The following CRISPLD1 variants were observed in gnomAD, a reference collection of about 807,000 sequenced individuals.
CRISPLD1 encodes cysteine-rich secretory protein LCCL domain-containing 1.
A neutral mutation model predicts 77.5 loss-of-function variants in CRISPLD1; 60 were observed. The observed-to-expected ratio is 0.77, with a 90% confidence interval of 0.63 to 0.96. The LOEUF (loss-of-function observed/expected upper bound fraction) is 0.96, where lower values mean the gene tolerates loss of function less well. Among genes scored for constraint, CRISPLD1 ranks in the 40% least tolerant of loss-of-function variants. The pLI, the probability that CRISPLD1 is intolerant of heterozygous loss-of-function variation, is 0.00. For missense variants in CRISPLD1, 623 were observed against 615.8 expected (o/e 1.01, Z -0.12); for synonymous variants, 195 against 200.1 (o/e 0.97, Z 0.22).
chr8:74,986,231 A>G lies in CRISPLD1; in HGVS notation c.244A>G (p.Asn82Asp), dbSNP rs944868313. 4 of 1,613,964 alleles carry G rather than the reference A, an allele frequency of 2.5e-6. No individual in the cohort carries two copies. The African/African-American group carries it at 5.3e-5, about 22-fold the overall frequency. Residue 82 changes from asparagine to aspartate, a missense_variant, in exon 2 of 15, where the codon AAT becomes GAT. Asn to Asp is a conservative substitution (Grantham distance 23). Transcript: ENST00000262207. ...AAGTCAGGTGTATCCAACAGCCTCT[A>G]ATATGGAGTATATGGTAAGGACATT... Reference protein sequence around the residue: ...LRSQVYPTASNMEYMTWDVEL... With the variant: ...LRSQVYPTASDMEYMTWDVEL...
intron 1 of CRISPLD1, among the ~76,000 whole-genome samples, chr8:74,985,416 A>G (rs1457564056): frequency 6.6e-6 from 1 of 152,158 alleles, no homozygotes; most frequent in Non-Finnish European, 1.5e-5. Flanking sequence ...TTTCTTTGAA[A>G]CATTCACTCT....
At chr8:75,026,778 T>TAA (rs1298153819) in intron 13 of CRISPLD1, 1 of 152,200 alleles carries the variant, frequency 6.6e-6, no homozygotes, top group Non-Finnish European at 1.5e-5. Context: ...TGAGCTTACT[T>TAA]ACCAAGATTT....
At chr8:75,013,490 A>G (rs1371554168) in intron 4 of CRISPLD1, among the ~76,000 whole-genome samples, 1 of 152,132 alleles carries the variant, frequency 6.6e-6, no homozygotes, top group African/African-American at 2.4e-5. Flanking sequence ...ACTTATTATC[A>G]GTGAATATAA....
At chr8:75,020,547 T>G (rs1344462893) in intron 12 of CRISPLD1, among the ~76,000 whole-genome samples, 1 of 152,186 alleles carries the variant, frequency 6.6e-6, no homozygotes, top group Non-Finnish European at 1.5e-5. Flanking sequence ...CTCTCTTACA[T>G]CCCTTCTTGT....
chr8:75,000,209 C>T (rs1386213588), intron 2 of CRISPLD1: 1 of 985,008 alleles, frequency 1.0e-6, no homozygotes, highest in African/African-American at 1.8e-5. Flanking sequence ...GAAACTATAT[C>T]TTATGCTTGG....
chr8:74,999,674 G>A (rs1054375299), intron 2 of CRISPLD1, among the ~76,000 whole-genome samples: 1 of 151,854 alleles, frequency 6.6e-6, no homozygotes, highest in African/African-American at 2.4e-5. Context: ...TAAAATACAG[G>A]TTCTTTATTT....
At position 75,004,949 on chromosome 8, in the gene CRISPLD1, A is replaced by G. The variant is rs1166567528; in HGVS notation, c.259-7484A>G. 2.6e-5 allele frequency among the ~76,000 whole-genome samples: 4 copies of G among 152,252 alleles called. No individual in the cohort carries two copies. The East Asian group carries it at 7.7e-4, about 29-fold the overall frequency. ...AACTTTTTATTAAGATTATCTTCTTACTCAACTAAATGGAAAGTTTTATTG... is the reference window on the plus strand; with the variant it reads ...AACTTTTTATTAAGATTATCTTCTTGCTCAACTAAATGGAAAGTTTTATTG... On this transcript the variant is annotated intron_variant, in intron 2 of 14. Transcript: ENST00000262207.
Position 74,984,808 on chromosome 8 carries a change from G to A in CRISPLD1, c.-175G>A, listed in dbSNP as rs2128779944. 6.6e-6 allele frequency: 1 copy of A among 152,392 alleles called. No individual in the cohort carries two copies. Among genetic ancestry groups the A allele is most frequent in the East Asian group, 1.9e-4 (1 of 5,172 alleles). The allele number at this position is 152,392 out of a possible 1,614,324, so 9.4% of individuals were successfully genotyped here. On this transcript the variant is annotated 5_prime_UTR_variant, in exon 1 of 15. Transcript: ENST00000262207. ...TCGCCCCCGGACGCTCGGTGCTCAG[G>A]CCCTTCGCGAGCGGGGCTCTCCGTC...
intron 2 of CRISPLD1, among the ~76,000 whole-genome samples, chr8:75,010,897 G>A (rs977031691): frequency 1.3e-5 from 2 of 151,866 alleles, no homozygotes; most frequent in African/African-American, 4.8e-5. Context: ...TGGACCCCCA[G>A]TCATGTAGTT....
At chr8:74,993,387 C>G (rs912360831) in intron 2 of CRISPLD1, among the ~76,000 whole-genome samples, 51 of 152,080 alleles carry the variant, frequency 3.4e-4, no homozygotes, top group Non-Finnish European at 3.5e-4. Flanking sequence ...TAAAGAATAT[C>G]ATTATTACTT....
chr8:74,998,257 A>G (rs1197147502), intron 2 of CRISPLD1, among the ~76,000 whole-genome samples: 6 of 152,176 alleles, frequency 3.9e-5, no homozygotes, highest in African/African-American at 1.2e-4. Flanking sequence ...GAGGGCAGGA[A>G]AGAAGGGGGT....
intron 2 of CRISPLD1, among the ~76,000 whole-genome samples, chr8:75,003,167 T>A (rs1384990913): frequency 6.6e-6 from 1 of 152,190 alleles, no homozygotes; most frequent in Admixed American, 6.6e-5. Flanking sequence ...GAATTGTTAA[T>A]ATAGCAATAT....
At chr8:75,020,852 C>T (rs972197803) in intron 12 of CRISPLD1, among the ~76,000 whole-genome samples, 2 of 151,972 alleles carry the variant, frequency 1.3e-5, no homozygotes, top group African/African-American at 4.8e-5. Context: ...TCTTAATATT[C>T]TCTTTTACAA....
At chr8:74,996,185 GA>G (rs757552148) in intron 2 of CRISPLD1, among the ~76,000 whole-genome samples, 1 of 151,164 alleles carries the variant, frequency 6.6e-6, no homozygotes, top group Non-Finnish European at 1.5e-5. Context: ...AAGTGGTAAT[GA>G]ATTATCTGGT....
chr8:74,993,036 G>C (rs1812597149), intron 2 of CRISPLD1, among the ~76,000 whole-genome samples: 1 of 149,692 alleles, frequency 6.7e-6, no homozygotes, highest in Non-Finnish European at 1.5e-5. Context: ...TCTTTAGCTT[G>C]TGAATTGCTT....
chr8:74,992,948 A>C (rs1392833400), intron 2 of CRISPLD1, among the ~76,000 whole-genome samples: 1 of 149,908 alleles, frequency 6.7e-6, no homozygotes, highest in Non-Finnish European at 1.5e-5. Flanking sequence ...TCAGTATAGA[A>C]GATAACTCCA....
intron 13 of CRISPLD1, among the ~76,000 whole-genome samples, chr8:75,025,873 T>C (rs1467638781): frequency 6.6e-6 from 1 of 152,188 alleles, no homozygotes; most frequent in African/African-American, 2.4e-5. Context: ...CATAATGAAA[T>C]AGTCTGTAGT....
intron 2 of CRISPLD1, among the ~76,000 whole-genome samples, chr8:74,988,189 G>A (rs755887726): frequency 2.0e-5 from 3 of 152,098 alleles, no homozygotes; most frequent in Non-Finnish European, 4.4e-5. Context: ...AAATACTGTC[G>A]AGTTAGGCAT....
chr8:75,022,207 A>T (rs896049724), intron 12 of CRISPLD1, among the ~76,000 whole-genome samples: 11 of 152,174 alleles, frequency 7.2e-5, no homozygotes, highest in African/African-American at 2.7e-4. Flanking sequence ...TATGCATAAT[A>T]TTGACCTTAA....
Sources: gnomAD v4.1 joint callset for allele counts (sites outside exome capture counted in the v4.1 genomes callset) on GRCh38, gnomAD v4.1.1 for gene constraint, MANE v1.5 for transcripts, NCBI Gene and HGNC (gene_info 2026-07-23, HGNC 2026-07-21) for gene names.